HCN1: variants seen among roughly 807,000 people sequenced by gnomAD.
HCN1 encodes hyperpolarization activated cyclic nucleotide gated potassium channel 1, also known as potassium/sodium hyperpolarization-activated cyclic nucleotide-gated channel 1.
Under a neutral mutation model 78.9 loss-of-function variants are expected in HCN1, and 13 were observed. The ratio of observed to expected loss-of-function variants is 0.16; its 90% CI spans 0.11 to 0.26. HCN1 has a LOEUF of 0.26. HCN1 is among the 10% of genes least tolerant of loss of function. The pLI is 1.00. For missense variants in HCN1, 810 were observed against 1,154.3 expected, an observed-to-expected ratio of 0.70 and a Z score of 4.32; for synonymous variants, 552 against 455.5, an observed-to-expected ratio of 1.21 and a Z score of -2.70.
chr5:45,452,251 T>A (rs1237560238), intron 3 of HCN1, among the ~76,000 whole-genome samples: 1 of 151,920 alleles, frequency 6.6e-6, no homozygotes, highest in Non-Finnish European at 1.5e-5. Flanking sequence ...CAGGTATTGA[T>A]TAACTCTTAT....
intron 1 of HCN1, among the ~76,000 whole-genome samples, chr5:45,658,431 T>A (rs1047958850): frequency 6.6e-6 from 1 of 152,076 alleles, no homozygotes; most frequent in African/African-American, 2.4e-5. Flanking sequence ...CAAAAGAAAC[T>A]ACCATCAGAG....
At chr5:45,407,667 C>T (rs1274057318) in intron 3 of HCN1, among the ~76,000 whole-genome samples, 1 of 151,840 alleles carries the variant, frequency 6.6e-6, no homozygotes, top group Admixed American at 6.6e-5. Context: ...TTACAGGCAC[C>T]CACCAGCATG....
intron 3 of HCN1, among the ~76,000 whole-genome samples, chr5:45,456,276 A>T (rs1004300809): frequency 6.6e-6 from 1 of 152,070 alleles, no homozygotes; most frequent in African/African-American, 2.4e-5. Context: ...TGCACAAATC[A>T]TTAAAACAAA....
chr5:45,306,711 C>T (rs377173296), intron 5 of HCN1, among the ~76,000 whole-genome samples: 7 of 152,014 alleles, frequency 4.6e-5, no homozygotes, highest in African/African-American at 1.7e-4. Flanking sequence ...CCTTAGGGCA[C>T]ATTGAGGCAA....
At chr5:45,394,081 T>C (rs1453425191) in intron 4 of HCN1, among the ~76,000 whole-genome samples, 2 of 152,164 alleles carry the variant, frequency 1.3e-5, no homozygotes, top group Non-Finnish European at 2.9e-5. Flanking sequence ...ACCTGACATA[T>C]GGAAAACACT....
chr5:45,407,512 G>T (rs1013682632), intron 3 of HCN1, among the ~76,000 whole-genome samples: 1 of 151,932 alleles, frequency 6.6e-6, no homozygotes, highest in African/African-American at 2.4e-5. Flanking sequence ...AGGCATCGCA[G>T]AGAGGCTTTT....
At chr5:45,646,134 T>C (rs955335336) in intron 1 of HCN1, among the ~76,000 whole-genome samples, 1 of 152,136 alleles carries the variant, frequency 6.6e-6, no homozygotes, top group Non-Finnish European at 1.5e-5. Flanking sequence ...AGTTTTGCCA[T>C]GGAATCTAGA....
intron 4 of HCN1, among the ~76,000 whole-genome samples, chr5:45,359,943 A>G (rs1263822332): frequency 6.7e-6 from 1 of 148,578 alleles, no homozygotes; most frequent in Non-Finnish European, 1.5e-5. Flanking sequence ...GACTTTGAGT[A>G]TATATATATA....
intron 2 of HCN1, among the ~76,000 whole-genome samples, chr5:45,612,035 T>C (rs1017746420): frequency 6.6e-6 from 1 of 152,204 alleles, no homozygotes; most frequent in African/African-American, 2.4e-5. Flanking sequence ...CTATTCCAAG[T>C]TTAAAACCTT....
intron 2 of HCN1, among the ~76,000 whole-genome samples, chr5:45,491,138 T>G (rs1168412040): frequency 6.6e-6 from 1 of 152,126 alleles, no homozygotes; most frequent in Admixed American, 6.6e-5. Flanking sequence ...CGAATCACAC[T>G]CGGAATCTGT....
chr5:45,567,744 T>C (rs1743739123), intron 2 of HCN1, among the ~76,000 whole-genome samples: 1 of 152,018 alleles, frequency 6.6e-6, no homozygotes, highest in Admixed American at 6.6e-5. Context: ...GAGGGTAAAA[T>C]TAAGTTCTAA....
chr5:45,683,225 G>A (rs1421717552), intron 1 of HCN1, among the ~76,000 whole-genome samples: 1 of 151,580 alleles, frequency 6.6e-6, no homozygotes, highest in Non-Finnish European at 1.5e-5. Context: ...AATTATTTCA[G>A]TAAATCATTT....
chr5:45,500,738 A>G (rs529708710), intron 2 of HCN1, among the ~76,000 whole-genome samples: 12 of 152,324 alleles, frequency 7.9e-5, no homozygotes, highest in Non-Finnish European at 1.3e-4. Flanking sequence ...TTTAAAATTA[A>G]TAACTCTGGC....
At chr5:45,673,859 G>A (rs1279369647) in intron 1 of HCN1, among the ~76,000 whole-genome samples, 1 of 151,568 alleles carries the variant, frequency 6.6e-6, no homozygotes, top group African/African-American at 2.4e-5. Flanking sequence ...CATGAATCAT[G>A]ATTTCAAGTA....
intron 2 of HCN1, among the ~76,000 whole-genome samples, chr5:45,483,546 A>G (rs1422958028): frequency 1.3e-5 from 2 of 152,084 alleles, no homozygotes; most frequent in Non-Finnish European, 2.9e-5. Context: ...CATAGTTTCG[A>G]ATATGTTCTC....
chr5:45,478,908 G>T (rs1002876792), intron 2 of HCN1, among the ~76,000 whole-genome samples: 3 of 152,104 alleles, frequency 2.0e-5, no homozygotes, highest in Admixed American at 6.6e-5. Context: ...CAGATCATGA[G>T]GTCAGAAGTT....
Position 45,262,060 on chromosome 5 carries a change from A to G in HCN1, c.2534T>C (p.Met845Thr), listed in dbSNP as rs771230431. ...VPQRVTLFRQ[M>T]SSGAIPPNRG... ...GTTCGGGGGGATGGCTCCCGACGACATCTGTCGGAAGAGGGTGACGCGCTG... is the reference window on the plus strand; with the variant it reads ...GTTCGGGGGGATGGCTCCCGACGACGTCTGTCGGAAGAGGGTGACGCGCTG... The change falls in exon 8 of 8, where the codon ATG (methionine) becomes ACG (threonine). Residue 845 changes from methionine (M) to threonine (T), a missense_variant. Around this residue, in one of 6 missense-constraint regions of HCN1, gnomAD observed 398 missense variants for 381.3 expected, o/e 1.04. Coordinates refer to ENST00000303230, the MANE Select transcript of HCN1 (RefSeq NM_021072.4). 6.2e-7 allele frequency: 1 copy of G among 1,613,894 alleles called. No individual in the cohort carries two copies. Among genetic ancestry groups the G allele is most frequent in the South Asian group, 1.1e-5 (1 of 91,074 alleles).
chr5:45,479,101 T>C (rs948944209), intron 2 of HCN1, among the ~76,000 whole-genome samples: 1 of 150,036 alleles, frequency 6.7e-6, no homozygotes, highest in African/African-American at 2.5e-5. Context: ...CACTCCAGCC[T>C]GGGCTACAGA....
intron 3 of HCN1, among the ~76,000 whole-genome samples, chr5:45,422,027 C>A (rs1025438600): frequency 1.3e-5 from 2 of 152,186 alleles, no homozygotes; most frequent in Non-Finnish European, 2.9e-5. Flanking sequence ...GAGAGCTAGA[C>A]ATAACAGAAT....
Sources: allele counts gnomAD v4.1 joint callset (sites outside exome capture counted in the v4.1 genomes callset), GRCh38; gene constraint gnomAD v4.1.1; regional missense constraint gnomAD v4.1.1; transcripts MANE v1.5; gene names NCBI Gene and HGNC (gene_info 2026-07-23, HGNC 2026-07-21).